The following UNC5D variants were observed in gnomAD, a reference collection of about 807,000 sequenced individuals.
UNC5D encodes the protein netrin receptor UNC5D.
A neutral mutation model predicts 105.4 loss-of-function variants in UNC5D; 39 were observed. The ratio of observed to expected loss-of-function variants is 0.37; its 90% CI spans 0.29 to 0.48. UNC5D has a LOEUF of 0.48. UNC5D is among the 20% of genes least tolerant of loss of function. UNC5D has a pLI of 0.98. For missense variants in UNC5D, 991 were observed against 1,202.4 expected (o/e 0.82, Z 2.60); for synonymous variants, 452 against 450.4 (o/e 1.00, Z -0.04).
chr8:35,788,283 A>T (rs1205024992), intron 16 of UNC5D, among the ~76,000 whole-genome samples: 1 of 152,084 alleles, frequency 6.6e-6, no homozygotes, highest in African/African-American at 2.4e-5. Flanking sequence ...TCCACTCTAC[A>T]TCAGTCGTCT....
chr8:35,568,009 T>TA, intron 2 of UNC5D, 89 bp from the exon 3 acceptor site: 2 of 1,533,368 alleles, frequency 1.3e-6, no homozygotes, highest in South Asian at 2.6e-5. Context: ...ATTGTTTAAT[T>TA]AAAAAGAAAA....
chr8:35,656,750 A>G (rs919220979), intron 4 of UNC5D, among the ~76,000 whole-genome samples: 1 of 152,042 alleles, frequency 6.6e-6, no homozygotes, highest in African/African-American at 2.4e-5. Context: ...TCAATGTGTA[A>G]AGTATCTACT....
chr8:35,527,801 G>T (rs1813990778), intron 1 of UNC5D, among the ~76,000 whole-genome samples: 1 of 151,900 alleles, frequency 6.6e-6, no homozygotes, highest in Non-Finnish European at 1.5e-5. Flanking sequence ...CAATGTACTG[G>T]GATTACAGGC....
intron 1 of UNC5D, among the ~76,000 whole-genome samples, chr8:35,317,362 G>C (rs1350987496): frequency 6.6e-6 from 1 of 152,094 alleles, no homozygotes; most frequent in Non-Finnish European, 1.5e-5. Flanking sequence ...AGGTAGTTTG[G>C]GTCATCTGGT....
chr8:35,441,694 G>A (rs1020832724), intron 1 of UNC5D, among the ~76,000 whole-genome samples: 1 of 151,694 alleles, frequency 6.6e-6, no homozygotes, highest in Non-Finnish European at 1.5e-5. Flanking sequence ...TGAAACTGAA[G>A]TATAAAATAA....
chr8:35,476,991 T>G (rs1290279372), intron 1 of UNC5D, among the ~76,000 whole-genome samples: 2 of 152,194 alleles, frequency 1.3e-5, no homozygotes, highest in Non-Finnish European at 2.9e-5. Context: ...CTGTGATCAT[T>G]ATAGCAGTGC....
rs760650351 is a variant in UNC5D, at chr8:35,686,650, A to G, written c.1025A>G (p.Lys342Arg). Residue 342 changes from lysine (K) to arginine (R), a missense_variant, in exon 7 of 17, where the codon AAA becomes AGA. Around this residue, in one of 3 missense-constraint regions of UNC5D, gnomAD observed 944 missense variants for 1,131.6 expected, o/e 0.83. Coordinates refer to ENST00000404895, the MANE Select transcript of UNC5D (RefSeq NM_080872.4). ...GCACCACCCCCGAGAAATGGGGGCAAATTCTGTGAAGGTCTAAGCCAGGAA... is the reference window on the plus strand; with the variant it reads ...GCACCACCCCCGAGAAATGGGGGCAGATTCTGTGAAGGTCTAAGCCAGGAA... ...CTAPPPRNGGKFCEGLSQESE... is the reference protein window; with the variant it reads ...CTAPPPRNGGRFCEGLSQESE... The G allele has an allele frequency of 2.0e-5, 32 of 1,606,592 alleles. No individual in the cohort carries two copies. Among genetic ancestry groups the G allele is most frequent in the Middle Eastern group, 3.3e-4 (2 of 6,056 alleles).
In UNC5D at chr8:35,683,717, T is replaced by C; in HGVS notation, c.741T>C (p.Val247=). The part of the protein sequence containing the change: ...VAKRRSLSAT[V]VVYVNGGWSS... ...AGAGGAGAAGCCTGTCGGCCACTGT[T>C]GTGGTCTACGGTAAGACCATTCCAA... is the stretch of plus-strand genomic sequence containing the variant. The change falls in exon 5 of 17, where the codon GTT becomes GTC. Residue 247 remains valine, a synonymous_variant. Coordinates refer to ENST00000404895, the MANE Select transcript of UNC5D (RefSeq NM_080872.4). The C allele has an allele frequency of 6.5e-7, 1 of 1,546,740 alleles. No homozygotes were observed. Among genetic ancestry groups the C allele is most frequent in the Non-Finnish European group, 8.7e-7 (1 of 1,155,652 alleles).
At chr8:35,576,535 T>G (rs145282023) in intron 3 of UNC5D, among the ~76,000 whole-genome samples, 68 of 152,318 alleles carry the variant, frequency 4.5e-4, no homozygotes, top group Non-Finnish European at 6.0e-4. Flanking sequence ...GGAATACATG[T>G]CTGGCAGTGA....
At chr8:35,541,901 C>T (rs41360948) in intron 1 of UNC5D, among the ~76,000 whole-genome samples, 21,757 of 151,970 alleles carry the variant, frequency 0.14, 1,943 homozygotes, top group East Asian at 0.25. Flanking sequence ...GAATAATGAA[C>T]GTGCTTTTGT....
chr8:35,651,753 G>GA (rs1823418287), intron 4 of UNC5D, among the ~76,000 whole-genome samples: 1 of 152,092 alleles, frequency 6.6e-6, no homozygotes, highest in Admixed American at 6.6e-5. Context: ...TTGTATAGGT[G>GA]AAACTACACT....
At chr8:35,687,518 G>A (rs1826096878) in intron 7 of UNC5D, among the ~76,000 whole-genome samples, 2 of 151,922 alleles carry the variant, frequency 1.3e-5, no homozygotes, top group Non-Finnish European at 2.9e-5. Context: ...GTATCACAGT[G>A]GTCTGGCAGA....
intron 6 of UNC5D, among the ~76,000 whole-genome samples, chr8:35,685,169 A>G (rs748193288): frequency 7.2e-5 from 11 of 152,230 alleles, no homozygotes; most frequent in Non-Finnish European, 1.3e-4. Flanking sequence ...CTTTATCATT[A>G]GTTATCAATC....
intron 1 of UNC5D, among the ~76,000 whole-genome samples, chr8:35,513,876 C>T (rs1204102795): frequency 1.3e-5 from 2 of 152,176 alleles, no homozygotes; most frequent in African/African-American, 2.4e-5. Context: ...CCAAATGATG[C>T]AGTAAACTGG....
chr8:35,567,905 C>T (rs1586150542), intron 2 of UNC5D, among the ~76,000 whole-genome samples, 193 bp from the exon 3 acceptor site: 1 of 152,160 alleles, frequency 6.6e-6, no homozygotes, highest in South Asian at 2.1e-4. Context: ...ATACTTTACA[C>T]GTGTGCTTTC....
intron 16 of UNC5D, among the ~76,000 whole-genome samples, chr8:35,784,869 T>C (rs1303854101): frequency 6.6e-6 from 1 of 152,148 alleles, no homozygotes; most frequent in Non-Finnish European, 1.5e-5. Flanking sequence ...TTGATCAGAA[T>C]TTGAAAAGGC....
At chr8:35,258,349 A>C (rs1043641923) in intron 1 of UNC5D, among the ~76,000 whole-genome samples, 1 of 152,250 alleles carries the variant, frequency 6.6e-6, no homozygotes, top group Non-Finnish European at 1.5e-5. Flanking sequence ...CATGATTTTT[A>C]GAGAGACACA....
At chr8:35,627,664 C>T (rs577280625) in intron 4 of UNC5D, among the ~76,000 whole-genome samples, 19 of 152,272 alleles carry the variant, frequency 1.2e-4, no homozygotes, top group African/African-American at 4.6e-4. Context: ...CGCGGTGGCT[C>T]ACGTCTGTAA....
intron 14 of UNC5D, among the ~76,000 whole-genome samples, chr8:35,760,695 G>A (rs1251899815): frequency 6.6e-6 from 1 of 152,026 alleles, no homozygotes; most frequent in Non-Finnish European, 1.5e-5. Context: ...ATCACAGAAT[G>A]CTTTCAGGCT....
Sources: allele counts gnomAD v4.1 joint callset (sites outside exome capture counted in the v4.1 genomes callset), GRCh38; gene constraint gnomAD v4.1.1; regional missense constraint gnomAD v4.1.1; transcripts MANE v1.5; gene names NCBI Gene and HGNC (gene_info 2026-07-23, HGNC 2026-07-21).